The following RSRC1 variants were observed in gnomAD, a reference collection of about 807,000 sequenced individuals.
RSRC1 encodes the protein arginine and serine rich coiled-coil 1.
RSRC1 carries 39 observed loss-of-function variants against 49.1 expected under a neutral mutation model. That is an observed-to-expected ratio of 0.79 (90% confidence interval 0.61 to 1.04). The LOEUF (loss-of-function observed/expected upper bound fraction) is 1.04. Among genes scored for constraint, RSRC1 ranks in the 50% least tolerant of loss-of-function variants. RSRC1 has a pLI of 0.00. For missense variants in RSRC1, 388 were observed against 402.4 expected (o/e 0.96, Z 0.31); for synonymous variants, 143 against 130.8 (o/e 1.09, Z -0.63).
chr3:158,304,152 T>C (rs1429454751), intron 5 of RSRC1, among the ~76,000 whole-genome samples: 3 of 152,172 alleles, frequency 2.0e-5, no homozygotes, highest in Non-Finnish European at 4.4e-5. Context: ...CCATTTTAAG[T>C]GTTGAAAAGC....
chr3:158,291,932 G>C (rs1371946510), intron 4 of RSRC1, among the ~76,000 whole-genome samples: 1 of 152,216 alleles, frequency 6.6e-6, no homozygotes, highest in East Asian at 1.9e-4. Context: ...TTTAGACGTA[G>C]AGTATATTTC....
At chr3:158,157,754 A>G (rs1717966789) in intron 3 of RSRC1, among the ~76,000 whole-genome samples, 1 of 152,086 alleles carries the variant, frequency 6.6e-6, no homozygotes, top group Admixed American at 6.5e-5. Context: ...CATGTCTACT[A>G]AAAATACAAA....
chr3:158,329,956 G>T (rs1035844977), intron 5 of RSRC1, among the ~76,000 whole-genome samples: 1 of 152,200 alleles, frequency 6.6e-6, no homozygotes. Flanking sequence ...CACCAGCCTC[G>T]CTGCCGCCTT....
chr3:158,205,489 G>T (rs542821222), intron 4 of RSRC1, among the ~76,000 whole-genome samples: 1 of 152,140 alleles, frequency 6.6e-6, no homozygotes, highest in East Asian at 1.9e-4. Context: ...AAGTAATAAG[G>T]ATATAAATGT....
chr3:158,147,635 A>G (rs1042157936), intron 3 of RSRC1, among the ~76,000 whole-genome samples: 3 of 152,154 alleles, frequency 2.0e-5, no homozygotes, highest in African/African-American at 7.2e-5. Flanking sequence ...CATGTGGTTA[A>G]GTCATGTACA....
intron 3 of RSRC1, among the ~76,000 whole-genome samples, chr3:158,152,000 G>T (rs1223865299): frequency 6.6e-6 from 1 of 151,842 alleles, no homozygotes; most frequent in East Asian, 1.9e-4. Context: ...ATGGCTTGAG[G>T]TATTAAATCT....
intron 6 of RSRC1, among the ~76,000 whole-genome samples, chr3:158,362,261 C>T (rs959886916): frequency 6.6e-6 from 1 of 152,088 alleles, no homozygotes; most frequent in African/African-American, 2.4e-5. Context: ...ATTGCTTGTG[C>T]CCGAGTGAAG....
chr3:158,507,394 C>A (rs942574853), intron 7 of RSRC1, among the ~76,000 whole-genome samples: 7 of 151,874 alleles, frequency 4.6e-5, no homozygotes, highest in Non-Finnish European at 1.0e-4. Context: ...TTCTAATGTT[C>A]CCAACACAAA....
intron 6 of RSRC1, among the ~76,000 whole-genome samples, chr3:158,435,213 T>C (rs544896450): frequency 6.6e-6 from 1 of 151,848 alleles, no homozygotes; most frequent in Non-Finnish European, 1.5e-5. Flanking sequence ...AAGTGAAATC[T>C]CTTGCATTTT....
intron 4 of RSRC1, among the ~76,000 whole-genome samples, chr3:158,293,086 A>G (rs538225902): frequency 1.5e-4 from 23 of 152,262 alleles, no homozygotes; most frequent in Admixed American, 1.2e-3. Flanking sequence ...AAGTAAAGAA[A>G]ACTGATTTTC....
chr3:158,515,541 T>A (rs1740469179), intron 7 of RSRC1, among the ~76,000 whole-genome samples: 1 of 135,632 alleles, frequency 7.4e-6, no homozygotes, highest in Non-Finnish European at 1.6e-5. Flanking sequence ...ATTTTTTCCT[T>A]CATTTCAACT....
chr3:158,518,493 G>T (rs1407271749), intron 7 of RSRC1, among the ~76,000 whole-genome samples: 4 of 149,554 alleles, frequency 2.7e-5, no homozygotes, highest in Non-Finnish European at 4.4e-5. Flanking sequence ...CATTTAATTT[G>T]ATTTTTAAAA....
intron 4 of RSRC1, among the ~76,000 whole-genome samples, chr3:158,273,724 A>C (rs1725648047): frequency 6.6e-6 from 1 of 152,120 alleles, no homozygotes; most frequent in African/African-American, 2.4e-5. Context: ...CCCTAAGTCT[A>C]CTTTCTTTGA....
At chr3:158,272,315 A>G (rs139351639) in intron 4 of RSRC1, among the ~76,000 whole-genome samples, 2 of 152,248 alleles carry the variant, frequency 1.3e-5, no homozygotes, top group Non-Finnish European at 1.5e-5. Context: ...TTATCTTGTT[A>G]ACTCTTGACA....
chr3:158,391,216 G>C (rs901599129), intron 6 of RSRC1, among the ~76,000 whole-genome samples: 1 of 151,780 alleles, frequency 6.6e-6, no homozygotes, highest in African/African-American at 2.4e-5. Flanking sequence ...TTTTTTCTTT[G>C]TATTTTTTAA....
At chr3:158,264,951 T>C (rs1725087379) in intron 4 of RSRC1, among the ~76,000 whole-genome samples, 1 of 152,272 alleles carries the variant, frequency 6.6e-6, no homozygotes, top group Non-Finnish European at 1.5e-5. Flanking sequence ...AGGCATGTGC[T>C]AATTAGTACT....
At chr3:158,234,776 A>AT (rs1224344209) in intron 4 of RSRC1, among the ~76,000 whole-genome samples, 3 of 152,104 alleles carry the variant, frequency 2.0e-5, no homozygotes, top group Non-Finnish European at 4.4e-5. Context: ...ACAAACGAAG[A>AT]TTTTTTATTG....
intron 6 of RSRC1, among the ~76,000 whole-genome samples, chr3:158,438,347 A>C (rs906717256): frequency 1.3e-5 from 2 of 152,010 alleles, no homozygotes; most frequent in Non-Finnish European, 2.9e-5. Context: ...CCAAAAAGGA[A>C]ACCACATAGC....
At chr3:158,533,402 A>G (rs1008208058) in intron 7 of RSRC1, among the ~76,000 whole-genome samples, 3 of 151,666 alleles carry the variant, frequency 2.0e-5, no homozygotes, top group Non-Finnish European at 4.4e-5. Flanking sequence ...TTTTTCTGTA[A>G]TCTTTCTCCT....
Sources: allele counts gnomAD v4.1 joint callset (sites outside exome capture counted in the v4.1 genomes callset), GRCh38; gene constraint gnomAD v4.1.1; transcripts MANE v1.5; gene names NCBI Gene and HGNC (gene_info 2026-07-23, HGNC 2026-07-21).